HS3ST2: variants seen among roughly 807,000 people sequenced by gnomAD.
The protein encoded by HS3ST2 is heparan sulfate-glucosamine 3-sulfotransferase 2, also known as heparan sulfate glucosamine 3-O-sulfotransferase 2.
Under a neutral mutation model 26.3 loss-of-function variants are expected in HS3ST2, and 17 were observed. That is an observed-to-expected ratio of 0.65 (90% CI 0.44 to 0.97). The LOEUF (loss-of-function observed/expected upper bound fraction) is 0.97, where lower values mean the gene tolerates loss of function less well. HS3ST2 is among the 50% of genes least tolerant of loss of function. The pLI is 0.00. For missense variants in HS3ST2, 402 were observed against 501.2 expected, an observed-to-expected ratio of 0.80 and a Z score of 1.89; for synonymous variants, 237 against 219.2, an observed-to-expected ratio of 1.08 and a Z score of -0.72.
Position 22,873,247 on chromosome 16 carries a change from C to A in HS3ST2, c.486-41697C>A, listed in dbSNP as rs140613798. 2.6e-5 allele frequency among the ~76,000 whole-genome samples: 4 copies of A among 152,304 alleles called. No homozygotes were observed. The East Asian group carries it at 7.7e-4, about 29-fold the overall frequency. ...CATCACTCCAAGGGAAAACCAGCACCACTTCTCTGAGCCTCACCTTCAGTA... is the reference window on the plus strand; with the variant it reads ...CATCACTCCAAGGGAAAACCAGCACAACTTCTCTGAGCCTCACCTTCAGTA... On this transcript the variant is annotated intron_variant, in intron 1 of 1. Transcript: ENST00000261374.
At chr16:22,877,073 A>C (rs1211318857) in intron 1 of HS3ST2, among the ~76,000 whole-genome samples, 2 of 152,228 alleles carry the variant, frequency 1.3e-5, no homozygotes, top group South Asian at 4.1e-4. Flanking sequence ...AGAAATCACC[A>C]CTAAAGTACT....
At chr16:22,903,472 T>C (rs1350988767) in intron 1 of HS3ST2, among the ~76,000 whole-genome samples, 1 of 152,200 alleles carries the variant, frequency 6.6e-6, no homozygotes, top group Non-Finnish European at 1.5e-5. Context: ...ACTCAGGTCT[T>C]TTTGATTCCA....
At chr16:22,864,332 A>G (rs1901718724) in intron 1 of HS3ST2, among the ~76,000 whole-genome samples, 1 of 152,244 alleles carries the variant, frequency 6.6e-6, no homozygotes, top group Non-Finnish European at 1.5e-5. Context: ...TCAAGTTCCA[A>G]GGATATTTCA....
chr16:22,831,814 A>G (rs1248294483), intron 1 of HS3ST2, among the ~76,000 whole-genome samples: 4 of 152,114 alleles, frequency 2.6e-5, no homozygotes, highest in African/African-American at 7.2e-5. Flanking sequence ...GGTGGCCACA[A>G]GAGGCAGACA....
chr16:22,886,670 T>C (rs1181409090), intron 1 of HS3ST2, among the ~76,000 whole-genome samples: 2 of 152,116 alleles, frequency 1.3e-5, no homozygotes, highest in East Asian at 3.8e-4. Context: ...ACAAAACAAA[T>C]TCAAGAACCC....
chr16:22,827,656 G>A (rs1901108396), intron 1 of HS3ST2, among the ~76,000 whole-genome samples: 1 of 151,834 alleles, frequency 6.6e-6, no homozygotes, highest in South Asian at 2.1e-4. Flanking sequence ...GGTTGATGAT[G>A]GTAGCAGTGT....
intron 1 of HS3ST2, among the ~76,000 whole-genome samples, chr16:22,894,660 A>C (rs1436229156): frequency 1.3e-5 from 2 of 151,260 alleles, no homozygotes; most frequent in Non-Finnish European, 2.9e-5. Context: ...CCACTTTGGG[A>C]GCCCAAGGTG....
At chr16:22,819,453 G>A (rs770495550) in intron 1 of HS3ST2, among the ~76,000 whole-genome samples, 2 of 152,186 alleles carry the variant, frequency 1.3e-5, no homozygotes, top group African/African-American at 4.8e-5. Flanking sequence ...AAGCTTTGCT[G>A]TGTGTAGTAG....
chr16:22,896,821 T>C (rs1004740574), intron 1 of HS3ST2, among the ~76,000 whole-genome samples: 3 of 152,216 alleles, frequency 2.0e-5, no homozygotes, highest in Admixed American at 6.5e-5. Context: ...CTTTTGTTAA[T>C]TGAGACAGAG....
chr16:22,885,804 G>A (rs1171430239), intron 1 of HS3ST2, among the ~76,000 whole-genome samples: 1 of 152,044 alleles, frequency 6.6e-6, no homozygotes, highest in African/African-American at 2.4e-5. Flanking sequence ...GGATAAAGTG[G>A]GGAAGACTGA....
At position 22,833,323 on chromosome 16, in the gene HS3ST2, A is replaced by G. The variant is rs117564400; in HGVS notation, c.485+18228A>G. ...GGTTGTCGGTGCACACACTTGGGTG[A>G]TTGTGCTGAAGCTACCTGGACTGGA... On this transcript the variant is annotated intron_variant, in intron 1 of 1. Coordinates refer to ENST00000261374, the MANE Select transcript of HS3ST2 (RefSeq NM_006043.2). 1,264 of 455,994 alleles carry G rather than the reference A, an allele frequency of 2.8e-3. 20 individuals carry two copies. Among genetic ancestry groups the G allele is most frequent in the East Asian group, 4.9e-3 (71 of 14,396 alleles). The allele number at this position is 455,994 out of a possible 1,614,324, so 28.2% of individuals were successfully genotyped here.
chr16:22,885,096 C>T (rs1902042969), intron 1 of HS3ST2, among the ~76,000 whole-genome samples: 1 of 152,100 alleles, frequency 6.6e-6, no homozygotes, highest in African/African-American at 2.4e-5. Flanking sequence ...CCACCTTGGC[C>T]TCCCAAAGTG....
intron 1 of HS3ST2, among the ~76,000 whole-genome samples, chr16:22,841,639 C>T (rs139948978): frequency 1.3e-5 from 2 of 152,254 alleles, no homozygotes; most frequent in African/African-American, 4.8e-5. Context: ...TTAATTATAC[C>T]GTGTTTGTAT....
rs185156621 is a variant in HS3ST2, at chr16:22,865,527, G to C, written c.486-49417G>C. Among the ~76,000 whole-genome samples the C allele has an allele frequency of 8.5e-5, 13 of 152,266 alleles. 1 individual carries two copies. The East Asian group carries it at 2.5e-3, about 29-fold the overall frequency. ...GCCGAGATCTCACCACTGCACTCCA[G>C]CCTGGGTGATAGAGTGAGACTTAGT... On this transcript the variant is annotated intron_variant, in intron 1 of 1. Transcript: ENST00000261374.
At chr16:22,816,856 G>A (rs747162906) in intron 1 of HS3ST2, among the ~76,000 whole-genome samples, 2 of 152,166 alleles carry the variant, frequency 1.3e-5, no homozygotes, top group African/African-American at 2.4e-5. Context: ...AATGCGAAGT[G>A]CCTTTTAAGT....
At chr16:22,890,036 A>G (rs997045912) in intron 1 of HS3ST2, among the ~76,000 whole-genome samples, 1 of 152,246 alleles carries the variant, frequency 6.6e-6, no homozygotes, top group Non-Finnish European at 1.5e-5. Context: ...GATTCTTGGC[A>G]TAATAAGGAA....
At chr16:22,833,360 G>A in intron 1 of HS3ST2, 1 of 454,838 alleles carries the variant, frequency 2.2e-6, no homozygotes, top group Non-Finnish European at 4.4e-6. Context: ...ACAAGAATGT[G>A]TGTCTTGCTA....
intron 1 of HS3ST2, among the ~76,000 whole-genome samples, chr16:22,894,061 T>G (rs1902171625): frequency 6.6e-6 from 1 of 152,226 alleles, no homozygotes; most frequent in Non-Finnish European, 1.5e-5. Flanking sequence ...GCTCAAATGA[T>G]CTGCTGTCCT....
At chr16:22,818,018 G>A (rs2141172700) in intron 1 of HS3ST2, among the ~76,000 whole-genome samples, 2 of 152,280 alleles carry the variant, frequency 1.3e-5, no homozygotes, top group South Asian at 4.1e-4. Context: ...TCCTTCTTGG[G>A]AACCACTCCC....
Sources: allele counts gnomAD v4.1 joint callset (sites outside exome capture counted in the v4.1 genomes callset), GRCh38; gene constraint gnomAD v4.1.1; transcripts MANE v1.5; gene names NCBI Gene and HGNC (gene_info 2026-07-23, HGNC 2026-07-21).